MED1: variants seen among roughly 807,000 people sequenced by gnomAD.
The protein encoded by MED1 is mediator complex subunit 1, also known as mediator of RNA polymerase II transcription subunit 1.
A neutral mutation model predicts 121.3 loss-of-function variants in MED1; 17 were observed. The observed-to-expected ratio is 0.14, with a 90% CI of 0.10 to 0.21. The LOEUF (loss-of-function observed/expected upper bound fraction) is 0.21. MED1 is among the 10% of genes least tolerant of loss of function. The pLI is 1.00. For missense variants in MED1, 1,558 were observed against 1,919.4 expected (o/e 0.81, Z 3.52); for synonymous variants, 661 against 694.4 (o/e 0.95, Z 0.76).
At chr17:39,444,047 A>G (rs1245235629) in intron 2 of MED1, among the ~76,000 whole-genome samples, 1 of 152,194 alleles carries the variant, frequency 6.6e-6, no homozygotes, top group African/African-American at 2.4e-5. Context: ...GAAGAATCAA[A>G]ATGTAATACA....
At chr17:39,413,934 A>C (rs1344005079) in intron 16 of MED1, among the ~76,000 whole-genome samples, 7 of 149,804 alleles carry the variant, frequency 4.7e-5, no homozygotes, top group African/African-American at 7.4e-5. Flanking sequence ...AAAAAAAAAA[A>C]AAACAAAGCT....
At chr17:39,447,506 CATAA>C (rs2144777443) in intron 2 of MED1, among the ~76,000 whole-genome samples, 1 of 151,904 alleles carries the variant, frequency 6.6e-6, no homozygotes, top group South Asian at 2.1e-4. Context: ...GTTTATGAAA[CATAA>C]ATAAATTATG....
In MED1 at chr17:39,415,193, C is replaced by CATAGGGACCAAACCGCTCCATGAG. The variant is rs781321220; in HGVS notation, c.1393+27_1393+50dup. On this transcript the variant is annotated intron_variant, in intron 15 of 16. Coordinates refer to ENST00000300651, the MANE Select transcript of MED1 (RefSeq NM_004774.4). Reference sequence around the variant, plus strand: ...TAGCTTCTGACTTTTCCAAAAAAGACATAGGGACCAAACCGCTCCATGAGA... The same window carrying CATAGGGACCAAACCGCTCCATGAG: ...TAGCTTCTGACTTTTCCAAAAAAGACATAGGGACCAAACCGCTCCATGAGATAGGGACCAAACCGCTCCATGAGA... The CATAGGGACCAAACCGCTCCATGAG allele has an allele frequency of 1.6e-3, 2,611 of 1,609,246 alleles. 7 individuals are homozygous for CATAGGGACCAAACCGCTCCATGAG. Among genetic ancestry groups the CATAGGGACCAAACCGCTCCATGAG allele is most frequent in the Non-Finnish European group, 1.9e-3 (2,275 of 1,175,542 alleles).
rs1360144111 is a variant in MED1, at chr17:39,423,384, A to C, written c.1038T>G (p.Phe346Leu). ...YAPLYELITQ[F>L]ELSKDPDPIP... ...TGGGGTCAGGGTCCTTTGATAGCTCAAACTGAGTGATCAGTTCATACAGGG... is the reference window on the plus strand; with the variant it reads ...TGGGGTCAGGGTCCTTTGATAGCTCCAACTGAGTGATCAGTTCATACAGGG... The change falls in exon 13 of 17, where the codon TTT becomes TTG. Residue 346 changes from phenylalanine to leucine, a missense_variant. Physicochemically the swap from Phe to Leu is conservative, Grantham distance 22 (BLOSUM62 0). Around this residue, in one of 5 missense-constraint regions of MED1, gnomAD observed 443 missense variants for 532.4 expected, o/e 0.83. Coordinates refer to ENST00000300651, the MANE Select transcript of MED1 (RefSeq NM_004774.4). The C allele has an allele frequency of 6.2e-7, 1 of 1,613,970 alleles. No homozygotes were observed. Among genetic ancestry groups the C allele is most frequent in the Non-Finnish European group, 8.5e-7 (1 of 1,179,970 alleles).
Position 39,410,381 on chromosome 17 carries a change from C to A in MED1, c.1840G>T (p.Gly614Trp). ...GGACTCGAGCCAATGGTAGACCCCCCGTTCCCTGTGATTTGCAACAAACTG... is the reference window on the plus strand; with the variant it reads ...GGACTCGAGCCAATGGTAGACCCCCAGTTCCCTGTGATTTGCAACAAACTG... ...LTSLLQITGN[G>W]GSTIGSSPTP... Residue 614 changes from glycine (G) to tryptophan (W), a missense_variant, in exon 17 of 17, where the codon GGG (glycine) becomes TGG (tryptophan). Transcript: ENST00000300651. The A allele has an allele frequency of 6.2e-7, 1 of 1,613,958 alleles. No individual in the cohort carries two copies. Among genetic ancestry groups the A allele is most frequent in the South Asian group, 1.1e-5 (1 of 91,052 alleles).
chr17:39,407,379 T>C lies in MED1; in HGVS notation c.*96A>G. The C allele has an allele frequency of 4.1e-6, 6 of 1,458,400 alleles. No individual in the cohort carries two copies. The highest frequency in any genetic ancestry group is 5.4e-6 in the Non-Finnish European group (6 of 1,107,646). The allele number at this position is 1,458,400 out of a possible 1,614,324, so 90.3% of individuals were successfully genotyped here. A position where few individuals can be genotyped will look rare whatever the true frequency, so the allele number is the denominator to read the frequency against. On this transcript the variant is annotated 3_prime_UTR_variant, in exon 17 of 17. Transcript: ENST00000300651. Reference sequence around the variant, plus strand: ...ATGCCATTTAGGATTCTTAACCAAATCAGACCTGTCTGACTCACCCCTTAT... The same window carrying C: ...ATGCCATTTAGGATTCTTAACCAAACCAGACCTGTCTGACTCACCCCTTAT...
Position 39,409,905 on chromosome 17 carries a change from T to C in MED1, c.2316A>G (p.Ser772=). ...SIQRMVRLSS[S]DSIGPDVTDI... ...CAGTTACATCTGGGCCAATGCTGTC[T>C]GAACTGGATAGTCGGACCATCCTTT... The change falls in exon 17 of 17, where the codon TCA becomes TCG. Residue 772 remains serine (S), a synonymous_variant. Transcript: ENST00000300651. 2 of 1,614,110 alleles carry C rather than the reference T, an allele frequency of 1.2e-6. No individual in the cohort carries two copies. The highest frequency in any genetic ancestry group is 1.7e-6 in the Non-Finnish European group (2 of 1,180,016).
At chr17:39,433,527 CTA>C (rs149231162) in intron 7 of MED1, among the ~76,000 whole-genome samples, 176 of 144,002 alleles carry the variant, frequency 1.2e-3, no homozygotes, top group Middle Eastern at 3.6e-3. Flanking sequence ...TTTTTTGTTA[CTA>C]TATATATATA....
In MED1 at chr17:39,407,096, CTAAAA is replaced by C. The variant is rs945555298; in HGVS notation, c.*374_*378del. 34 of 998,014 alleles carry C rather than the reference CTAAAA, an allele frequency of 3.4e-5. No homozygotes were observed. The highest frequency in any genetic ancestry group is 2.4e-4 in the African/African-American group (14 of 57,552). The allele number at this position is 998,014 out of a possible 1,614,324, so 61.8% of individuals were successfully genotyped here. A position where few individuals can be genotyped will look rare whatever the true frequency, so the allele number is the denominator to read the frequency against. ...CTGCCCAGCCCTTCATATACATGCA[CTAAAA>C]TGAGTTTAAAACATGGCCTAAAAAT... On this transcript the variant is annotated 3_prime_UTR_variant, in exon 17 of 17. Transcript: ENST00000300651.
In MED1 at chr17:39,410,770, T is replaced by C. The variant is rs759742137; in HGVS notation, c.1500-49A>G. ...AGTTAACATTGCAATAGCTGCTGAA[T>C]GAGACCTGAGATTTAGATATAACAT... On this transcript the variant is annotated intron_variant, in intron 16 of 16. Transcript: ENST00000300651. The C allele has an allele frequency of 4.6e-6, 7 of 1,537,544 alleles. No homozygotes were observed. The Admixed American group carries it at 1.0e-4, about 22-fold the overall frequency.
rs777433710 is a variant in MED1, at chr17:39,440,651, G to A, written c.238C>T (p.Arg80Cys). 15 of 1,613,196 alleles carry A rather than the reference G, an allele frequency of 9.3e-6. No homozygotes were observed. In the South Asian group the frequency reaches 9.9e-5, roughly 11 times the overall value. ...KVTSLPAMTD[R>C]LESIARQNGL... ...TTCTGTCTTGCTATGGACTCCAAAC[G>A]ATCAGTCATTGCTGGTAAAGATGTT... The change falls in exon 4 of 17, where the codon CGT becomes TGT. Residue 80 changes from arginine to cysteine, a missense_variant. Transcript: ENST00000300651. The surrounding 1 kb of genome is among the most constrained non-coding windows in gnomAD (Gnocchi z 4.1).
At chr17:39,447,367 G>A in intron 2 of MED1, among the ~76,000 whole-genome samples, 1 of 149,890 alleles carries the variant, frequency 6.7e-6, no homozygotes, top group South Asian at 2.1e-4. Context: ...ACCCAGCCTG[G>A]GCAACAAGAG....
intron 6 of MED1, among the ~76,000 whole-genome samples, chr17:39,438,888 G>T (rs549248942): frequency 1.3e-5 from 2 of 152,300 alleles, no homozygotes; most frequent in South Asian, 4.1e-4. Context: ...GGCAGAGGTT[G>T]CAGTGAGCTG....
chr17:39,434,190 T>C lies in MED1; in HGVS notation c.500+59A>G, dbSNP rs1357189892. 6 of 1,208,262 alleles carry C rather than the reference T, an allele frequency of 5.0e-6. No individual in the cohort carries two copies. In the African/African-American group the frequency reaches 9.6e-5, roughly 19 times the overall value. 74.8% of individuals were successfully genotyped at this position (1,208,262 alleles called of 1,614,324 possible). A position where few individuals can be genotyped will look rare whatever the true frequency, so the allele number is the denominator to read the frequency against. On this transcript the variant is annotated intron_variant, in intron 7 of 16. Coordinates refer to ENST00000300651, the MANE Select transcript of MED1 (RefSeq NM_004774.4). ...AGGTGGCAAATTTCTAGGCATAAGG[T>C]GGCTTATAGATTTATACTGATTTTT...
At chr17:39,422,806 A>G (rs543562108) in intron 13 of MED1, among the ~76,000 whole-genome samples, 3 of 147,574 alleles carry the variant, frequency 2.0e-5, no homozygotes, top group East Asian at 4.1e-4. Context: ...AGAACTGTAC[A>G]TTGTTGTTTC....
intron 7 of MED1, among the ~76,000 whole-genome samples, chr17:39,433,759 A>G (rs1338333145): frequency 6.6e-6 from 1 of 151,918 alleles, no homozygotes; most frequent in Non-Finnish European, 1.5e-5. Flanking sequence ...GGGTCTCACT[A>G]TGTTGCCCAG....
rs1055001387 is a variant in MED1 at position 39,405,521 on chromosome 17, G to A, written c.*1954C>T. ...ATTCAAAACTAGGTGACAAACTCATGAGAAATCCAACCTGGCTGAATGTCT... is the reference window on the plus strand; with the variant it reads ...ATTCAAAACTAGGTGACAAACTCATAAGAAATCCAACCTGGCTGAATGTCT... On this transcript the variant is annotated 3_prime_UTR_variant, in exon 17 of 17. Coordinates refer to ENST00000300651, the MANE Select transcript of MED1 (RefSeq NM_004774.4). The A allele has an allele frequency of 2.2e-6, 3 of 1,378,636 alleles. No homozygotes were observed. In the Admixed American group the frequency reaches 9.0e-5, roughly 41 times the overall value. The allele number at this position is 1,378,636 out of a possible 1,614,324, so 85.4% of individuals were successfully genotyped here.
At chr17:39,427,819 C>CT in intron 9 of MED1, 29 bp from the exon 10 acceptor site, 2 of 1,324,674 alleles carry the variant, frequency 1.5e-6, no homozygotes, top group South Asian at 1.3e-5. Flanking sequence ...ATAACTGTAT[C>CT]TTTATCAGGT....
chr17:39,423,625 C>A, intron 12 of MED1, 72 bp downstream of exon 12: 1 of 1,597,284 alleles, frequency 6.3e-7, no homozygotes, highest in Non-Finnish European at 8.6e-7. Context: ...TGAAAGACGT[C>A]ATGATAACCT....
Sources: allele counts gnomAD v4.1 joint callset (sites outside exome capture counted in the v4.1 genomes callset), GRCh38; gene constraint gnomAD v4.1.1; regional missense constraint gnomAD v4.1.1; non-coding constraint Gnocchi (gnomAD v3.1); transcripts MANE v1.5; gene names NCBI Gene and HGNC (gene_info 2026-07-23, HGNC 2026-07-21).